The following BLM variants were observed in gnomAD, a reference collection of about 807,000 sequenced individuals.
BLM encodes BLM RecQ like helicase.
Under a neutral mutation model 135.3 loss-of-function variants are expected in BLM, and 95 were observed. That is an observed-to-expected ratio of 0.70 (90% CI 0.59 to 0.83). BLM has a LOEUF of 0.83. BLM is among the 40% of genes least tolerant of loss of function. The probability of loss-of-function intolerance (pLI) is 0.00; values close to 1 mark genes in which losing one functional copy is unlikely to be tolerated. For missense variants in BLM, 1,518 were observed against 1,663.9 expected, an observed-to-expected ratio of 0.91 and a Z score of 1.53; for synonymous variants, 520 against 589.2, an observed-to-expected ratio of 0.88 and a Z score of 1.70.
At chr15:90,743,983 A>T (rs1263816569) in intron 1 of BLM, among the ~76,000 whole-genome samples, 1 of 152,232 alleles carries the variant, frequency 6.6e-6, no homozygotes, top group Non-Finnish European at 1.5e-5. Context: ...TAATCACTAC[A>T]GTTATAAAAT....
chr15:90,757,666 G>T (rs1895854743), intron 5 of BLM, among the ~76,000 whole-genome samples: 1 of 151,986 alleles, frequency 6.6e-6, no homozygotes, highest in Admixed American at 6.6e-5. Flanking sequence ...TGTCCTTCCT[G>T]GCTTGTAAAC....
Position 90,815,407 on chromosome 15 carries a change from A to G in BLM, c.*128A>G. ...CTCGTCTCTATTAATATTTAAATAA[A>G]TGCTGGGGGGTGATAGTTCTTCTTT... On this transcript the variant is annotated 3_prime_UTR_variant, in exon 22 of 22. Coordinates refer to ENST00000355112, the MANE Select transcript of BLM (RefSeq NM_000057.4). The surrounding 1 kb of genome is among the most constrained non-coding windows in gnomAD (Gnocchi z 4.6). 1 of 1,006,692 alleles carries G rather than the reference A, an allele frequency of 9.9e-7. No homozygotes were observed. The allele number at this position is 1,006,692 out of a possible 1,614,324, so 62.4% of individuals were successfully genotyped here.
At chr15:90,767,086 GATTTTAACAAA>G (rs1255123177) in intron 10 of BLM, 63 bp downstream of exon 10, 3 of 1,117,440 alleles carry the variant, frequency 2.7e-6, no homozygotes, top group African/African-American at 3.2e-5. Flanking sequence ...ATATTTTTAA[GATTTTAACAAA>G]ATTTTGTATA....
intron 9 of BLM, among the ~76,000 whole-genome samples, chr15:90,766,584 C>G (rs1230482612): frequency 6.6e-6 from 1 of 152,096 alleles, no homozygotes; most frequent in Non-Finnish European, 1.5e-5. Context: ...CCTGCCACCA[C>G]GCCAGGCTAA....
chr15:90,811,239 C>T lies in BLM; in HGVS notation c.3909C>T (p.Ser1303=), dbSNP rs1897408551. 6.2e-7 allele frequency: 1 copy of T among 1,613,868 alleles called. No homozygotes were observed. The highest frequency in any genetic ancestry group is 8.5e-7 in the Non-Finnish European group (1 of 1,180,046). The part of the protein sequence containing the change: ...EDSSPGISLS[S]SRGPGRSAAE... ...GTTCCCCAGGGATAAGCCTGTCCAGCAGCAGAGGCCCCGGAAGAAGTGCCG... is the reference window on the plus strand; with the variant it reads ...GTTCCCCAGGGATAAGCCTGTCCAGTAGCAGAGGCCCCGGAAGAAGTGCCG... Residue 1303 remains serine (S), a synonymous_variant, in exon 21 of 22, where the codon AGC becomes AGT. Coordinates refer to ENST00000355112, the MANE Select transcript of BLM (RefSeq NM_000057.4).
At chr15:90,742,113 A>G (rs1895378225) in intron 1 of BLM, among the ~76,000 whole-genome samples, 1 of 152,218 alleles carries the variant, frequency 6.6e-6, no homozygotes, top group African/African-American at 2.4e-5. Context: ...ATTGTGTTTG[A>G]TGTTTAATTT....
At chr15:90,776,124 T>G (rs1896470951) in intron 12 of BLM, among the ~76,000 whole-genome samples, 1 of 152,238 alleles carries the variant, frequency 6.6e-6, no homozygotes, top group African/African-American at 2.4e-5. Context: ...TTTGTAGCTG[T>G]AACAATTATT....
chr15:90,768,657 T>C (rs1202674875), intron 10 of BLM, among the ~76,000 whole-genome samples: 1 of 152,214 alleles, frequency 6.6e-6, no homozygotes, highest in Non-Finnish European at 1.5e-5. Context: ...GATCTGCTAT[T>C]TTCTATTACT....
intron 19 of BLM, chr15:90,808,714 G>A (rs935557265): frequency 7.1e-6 from 2 of 280,374 alleles, no homozygotes; most frequent in South Asian, 7.5e-5. Context: ...AGGGTGGGGT[G>A]TACAAGTCTG....
chr15:90,811,181 A>G (rs1368464679), intron 20 of BLM, 24 bp from the exon 21 acceptor site: 1 of 1,611,660 alleles, frequency 6.2e-7, no homozygotes, highest in Non-Finnish European at 8.5e-7. Flanking sequence ...ATCACCTGTA[A>G]ACATCTGCAT....
chr15:90,803,390 G>C, intron 17 of BLM, 131 bp from the exon 18 acceptor site: 1 of 652,690 alleles, frequency 1.5e-6, no homozygotes, highest in South Asian at 1.8e-5. Context: ...ACAGAAATGA[G>C]TGTCTGTGCC....
At chr15:90,769,809 A>G (rs1389147491) in intron 12 of BLM, among the ~76,000 whole-genome samples, 1 of 150,804 alleles carries the variant, frequency 6.6e-6, no homozygotes, top group African/African-American at 2.4e-5. Context: ...AGAGTTTGGG[A>G]ACCAGAGTCC....
At chr15:90,773,095 CAAAAAAAAAAAA>C (rs780966709) in intron 12 of BLM, among the ~76,000 whole-genome samples, 2 of 43,438 alleles carry the variant, frequency 4.6e-5, no homozygotes, top group South Asian at 2.0e-3. Context: ...GAGACTGTCT[CAAAAAAAAAAAA>C]AAAAAAAAAA....
intron 12 of BLM, 94 bp from the exon 13 acceptor site, chr15:90,782,728 G>T (rs558013483): frequency 4.3e-6 from 4 of 934,908 alleles, no homozygotes; most frequent in East Asian, 5.2e-5. Context: ...CACACTGGGG[G>T]TTAGGATTTT....
intron 9 of BLM, 39 bp from the exon 10 acceptor site, chr15:90,766,871 A>G: frequency 1.6e-6 from 2 of 1,284,510 alleles, no homozygotes. Context: ...TGTCAGGTTA[A>G]TGTATAAAAT....
intron 12 of BLM, among the ~76,000 whole-genome samples, chr15:90,774,864 A>T (rs928763174): frequency 5.9e-5 from 9 of 151,590 alleles, no homozygotes; most frequent in Admixed American, 5.9e-4. Flanking sequence ...AATCCATTGG[A>T]TAAGTGGAGA....
rs1429490877 is a variant in BLM at position 90,760,282 on chromosome 15, A to G, written c.1220+3A>G. 1 of 1,614,032 alleles carries G rather than the reference A, an allele frequency of 6.2e-7. No individual in the cohort carries two copies. Among genetic ancestry groups the G allele is most frequent in the Non-Finnish European group, 8.5e-7 (1 of 1,179,990 alleles). ...CTGCTTCAGCAGCGGAACATAAGGT[A>G]TCTTAATTTTCCCCCTTCTGGAATA... is the stretch of plus-strand genomic sequence containing the variant. On this transcript the variant is annotated splice_donor_region_variant and intron_variant, in intron 6 of 21. Transcript: ENST00000355112.
chr15:90,793,982 T>G, intron 15 of BLM, 185 bp from the exon 16 acceptor site: 1 of 412,598 alleles, frequency 2.4e-6, no homozygotes, highest in Non-Finnish European at 4.3e-6. Context: ...CCTATAGTAC[T>G]AAAATCTTGA....
At chr15:90,718,523 G>A (rs1894671319) in intron 1 of BLM, among the ~76,000 whole-genome samples, 1 of 152,208 alleles carries the variant, frequency 6.6e-6, no homozygotes, top group South Asian at 2.1e-4. Context: ...TGAGAGATCA[G>A]AAGATGAAGA....
Sources: gnomAD v4.1 joint callset for allele counts (sites outside exome capture counted in the v4.1 genomes callset) on GRCh38, gnomAD v4.1.1 for gene constraint, Gnocchi (gnomAD v3.1) non-coding constraint, MANE v1.5 for transcripts, NCBI Gene and HGNC (gene_info 2026-07-23, HGNC 2026-07-21) for gene names.